Variants in SLC5A11 observed in about 807,000 individuals in gnomAD.
The protein encoded by SLC5A11 is solute carrier family 5 member 11, also known as sodium/myo-inositol cotransporter 2.
Under a neutral mutation model 69.8 loss-of-function variants are expected in SLC5A11, and 48 were observed. That is an observed-to-expected ratio of 0.69 (90% CI 0.55 to 0.87). The LOEUF (loss-of-function observed/expected upper bound fraction) is 0.87, where lower values mean the gene tolerates loss of function less well. SLC5A11 is among the 40% of genes least tolerant of loss of function. The pLI, the probability that SLC5A11 is intolerant of heterozygous loss-of-function variation, is 0.00. For missense variants in SLC5A11, 784 were observed against 866.1 expected (o/e 0.91, Z 1.19); for synonymous variants, 319 against 342.4 (o/e 0.93, Z 0.75).
At position 24,907,065 on chromosome 16, in the gene SLC5A11, C is replaced by G. The variant is rs778297860; in HGVS notation, c.1155C>G (p.Leu385=). Reference sequence around the variant, plus strand: ...TGATGGCTGTGATGGTGGCGGCTCTCATGTCCTCCCTCACCTCCATCTTTA... The same window carrying G: ...TGATGGCTGTGATGGTGGCGGCTCTGATGTCCTCCCTCACCTCCATCTTTA... Residue 385 remains leucine (L), a synonymous_variant, in exon 12 of 16, where the codon CTC becomes CTG. Coordinates refer to ENST00000347898, the Ensembl canonical transcript of SLC5A11. The G allele has an allele frequency of 1.9e-5, 31 of 1,614,080 alleles. 1 individual carries two copies. In the South Asian group the frequency reaches 3.3e-4, roughly 17 times the overall value.
chr16:24,858,612 TTCCTCAGGATCCA>T lies in SLC5A11; in HGVS notation c.-24-7_-19del. The T allele has an allele frequency of 6.3e-7, 1 of 1,584,296 alleles. No homozygotes were observed. Among genetic ancestry groups the T allele is most frequent in the Non-Finnish European group, 8.6e-7 (1 of 1,163,374 alleles). The stretch of plus-strand genomic sequence containing the variant: ...TCTGGCATTTGACTGGCATTTGCCC[TTCCTCAGGATCCA>T]GAGGTCTCGTTCAGGACCATGGAGA... On this transcript the variant is annotated splice_acceptor_variant and splice_polypyrimidine_tract_variant and 5_prime_UTR_variant and intron_variant, in exon 2 of 16. Coordinates refer to ENST00000347898, the Ensembl canonical transcript of SLC5A11. LOFTEE classifies it low-confidence loss of function (5UTR_SPLICE).
intron 8 of SLC5A11, among the ~76,000 whole-genome samples, chr16:24,885,288 A>AGGG (rs72164944): frequency 2.6e-5 from 4 of 151,412 alleles, no homozygotes; most frequent in African/African-American, 4.9e-5. Flanking sequence ...ATTATTGTTA[A>AGGG]GCGGGGGACA....
intron 10 of SLC5A11, among the ~76,000 whole-genome samples, chr16:24,898,962 A>C (rs1223758617): frequency 6.6e-6 from 1 of 152,098 alleles, no homozygotes; most frequent in African/African-American, 2.4e-5. Flanking sequence ...GACTACAGGC[A>C]TGCACTACCA....
chr16:24,862,824 C>A (rs138207008), intron 3 of SLC5A11, 152 bp downstream of exon 4: 2 of 481,818 alleles, frequency 4.2e-6, no homozygotes, highest in African/African-American at 2.0e-5. Context: ...AGCTCAAATT[C>A]GTTTAAACAA....
intron 8 of SLC5A11, 142 bp downstream of exon 9, chr16:24,884,273 A>C: frequency 2.8e-6 from 2 of 709,728 alleles, no homozygotes; most frequent in Non-Finnish European, 4.8e-6. Context: ...GCTTTGCTTG[A>C]GGCACGGTTA....
chr16:24,884,714 G>A (rs1360079205), intron 8 of SLC5A11, among the ~76,000 whole-genome samples: 1 of 150,864 alleles, frequency 6.6e-6, no homozygotes, highest in African/African-American at 2.4e-5. Flanking sequence ...AATGTGAAGA[G>A]ACAGCTTTTC....
At chr16:24,859,106 T>C (rs1295947121) in intron 2 of SLC5A11, 2 of 190,950 alleles carry the variant, frequency 1.0e-5, no homozygotes, top group Non-Finnish European at 2.1e-5. Context: ...GTTAGGAGAG[T>C]TAGGGTTAGA....
chr16:24,874,999 TA>T (rs199944895), intron 5 of SLC5A11, among the ~76,000 whole-genome samples: 4 of 151,182 alleles, frequency 2.6e-5, no homozygotes, highest in Admixed American at 2.0e-4. Flanking sequence ...TATATGTCTT[TA>T]AAAAAAAATA....
intron 8 of SLC5A11, among the ~76,000 whole-genome samples, chr16:24,887,360 A>G (rs11641809): frequency 0.39 from 59,233 of 151,966 alleles, 12,828 homozygotes; most frequent in Non-Finnish European, 0.49. Flanking sequence ...AAAGAATATA[A>G]CAATTTAATA....
intron 4 of SLC5A11, 121 bp downstream of exon 5, chr16:24,870,126 C>T: frequency 3.0e-6 from 2 of 669,902 alleles, no homozygotes; most frequent in Admixed American, 4.8e-5. Context: ...GGCGCGGTGG[C>T]TCACGCCTGT....
At chr16:24,908,957 C>T (rs2050287083) in exon 14 of SLC5A11, 1 of 1,614,082 alleles carries the variant, frequency 6.2e-7, no homozygotes, top group African/African-American at 1.3e-5. Flanking sequence ...TACGTGCAGC[C>T]TCGATGCGAC....
intron 15 of SLC5A11, among the ~76,000 whole-genome samples, chr16:24,911,038 G>C (rs113625008): frequency 6.6e-6 from 1 of 151,874 alleles, no homozygotes; most frequent in Non-Finnish European, 1.5e-5. Context: ...GCATGGTAGC[G>C]CATGCCTATA....
intron 9 of SLC5A11, among the ~76,000 whole-genome samples, chr16:24,895,168 T>A (rs2049069128): frequency 6.6e-6 from 1 of 151,586 alleles, no homozygotes; most frequent in Admixed American, 6.6e-5. Context: ...ATCCGACTAC[T>A]CTCCCTTTTA....
At chr16:24,900,425 A>C (rs1318136776) in intron 10 of SLC5A11, among the ~76,000 whole-genome samples, 2 of 152,192 alleles carry the variant, frequency 1.3e-5, no homozygotes, top group South Asian at 2.1e-4. Context: ...GGCACTGTCC[A>C]TGGTGCTAGA....
intron 10 of SLC5A11, among the ~76,000 whole-genome samples, chr16:24,903,302 G>A (rs568146289): frequency 6.6e-6 from 1 of 152,074 alleles, no homozygotes; most frequent in East Asian, 1.9e-4. Context: ...GACCACATCA[G>A]TGTAATTAGC....
intron 9 of SLC5A11, among the ~76,000 whole-genome samples, chr16:24,894,628 C>T (rs111888489): frequency 0.012 from 1,762 of 151,694 alleles, 44 homozygotes; most frequent in African/African-American, 0.04. Flanking sequence ...AGTGAAACCC[C>T]GTCTCTACTA....
At chr16:24,861,308 C>T (rs973418654) in intron 2 of SLC5A11, among the ~76,000 whole-genome samples, 3 of 151,890 alleles carry the variant, frequency 2.0e-5, no homozygotes, top group Non-Finnish European at 4.4e-5. Flanking sequence ...AGTAAGATAC[C>T]ATCTCTACAA....
chr16:24,886,675 G>A (rs1290223676), intron 8 of SLC5A11, among the ~76,000 whole-genome samples: 1 of 152,146 alleles, frequency 6.6e-6, no homozygotes, highest in East Asian at 1.9e-4. Context: ...AAAATGTGAA[G>A]TATAAGAATA....
At chr16:24,879,552 C>T (rs1299839975) in intron 7 of SLC5A11, among the ~76,000 whole-genome samples, 1 of 152,178 alleles carries the variant, frequency 6.6e-6, no homozygotes. Context: ...TCCTGGCCAA[C>T]ATGGTGAAAC....
Sources: allele counts gnomAD v4.1 joint callset (sites outside exome capture counted in the v4.1 genomes callset), GRCh38; gene constraint gnomAD v4.1.1; transcripts MANE v1.5; gene names NCBI Gene and HGNC (gene_info 2026-07-23, HGNC 2026-07-21).